Variants in NR6A1 observed in about 807,000 individuals in gnomAD.
The protein encoded by NR6A1 is retinoic acid receptor-related testis-associated receptor.
In NR6A1, 7 loss-of-function variants were observed where a neutral mutation model predicts 59.1. The ratio of observed to expected loss-of-function variants is 0.12; its 90% CI spans 0.07 to 0.22. NR6A1 has a LOEUF of 0.22. Ranked by LOEUF, NR6A1 falls within the 10% of genes least tolerant of loss-of-function variation. The pLI is 1.00. For missense variants in NR6A1, 468 were observed against 611.6 expected, an observed-to-expected ratio of 0.77 and a Z score of 2.48; for synonymous variants, 243 against 236.1, an observed-to-expected ratio of 1.03 and a Z score of -0.27.
chr9:124,557,253 G>A (rs1423991333), intron 2 of NR6A1, among the ~76,000 whole-genome samples: 1 of 152,078 alleles, frequency 6.6e-6, no homozygotes, highest in East Asian at 1.9e-4. Flanking sequence ...TCCTGCCTCA[G>A]CCTCCCGAGT....
chr9:124,631,710 T>C (rs887370327), intron 2 of NR6A1, among the ~76,000 whole-genome samples: 7 of 152,190 alleles, frequency 4.6e-5, no homozygotes, highest in African/African-American at 1.7e-4. Flanking sequence ...TGCTGGTTTG[T>C]TACACAGGTA....
chr9:124,663,289 A>C (rs1837502491), intron 2 of NR6A1, among the ~76,000 whole-genome samples: 1 of 152,132 alleles, frequency 6.6e-6, no homozygotes, highest in African/African-American at 2.4e-5. Flanking sequence ...TTAACCCCCA[A>C]ATCTACCATC....
At chr9:124,583,528 A>C (rs1444668307) in intron 2 of NR6A1, among the ~76,000 whole-genome samples, 2 of 152,190 alleles carry the variant, frequency 1.3e-5, no homozygotes, top group Admixed American at 6.5e-5. Context: ...CATATTCAGA[A>C]GAAGACTGAC....
intron 2 of NR6A1, among the ~76,000 whole-genome samples, chr9:124,653,130 T>G (rs1837152034): frequency 6.6e-6 from 1 of 152,202 alleles, no homozygotes; most frequent in Non-Finnish European, 1.5e-5. Context: ...CTGGTTCAAG[T>G]CTCAGCTCTG....
Position 124,667,773 on chromosome 9 carries a change from T to A in NR6A1, c.142+65535A>T, listed in dbSNP as rs190374725. On this transcript the variant is annotated intron_variant, in intron 2 of 9. Transcript: ENST00000487099. The stretch of plus-strand genomic sequence containing the variant: ...TATTCTTAGGCTGACTGTAGTGATA[T>A]ACCTTGTAAAATAACTTACTTTTTC... Among the ~76,000 whole-genome samples the A allele has an allele frequency of 2.4e-4, 37 of 152,372 alleles. 2 individuals are homozygous for A. In the East Asian group the frequency reaches 2.7e-3, roughly 11 times the overall value.
rs368212612 is a variant in NR6A1 at position 124,551,290 on chromosome 9, C to G, written c.385+3038G>C. Among the ~76,000 whole-genome samples the G allele has an allele frequency of 9.2e-5, 14 of 152,308 alleles. No individual in the cohort carries two copies. The East Asian group carries it at 2.7e-3, about 29-fold the overall frequency. ...ATATGTACACTAACTCACCTACCCA[C>G]ACAAGGTATCTATGTATTTTTAAAT... On this transcript the variant is annotated intron_variant, in intron 3 of 9. Transcript: ENST00000487099.
intron 2 of NR6A1, among the ~76,000 whole-genome samples, chr9:124,602,660 C>T (rs539629765): frequency 1.3e-5 from 2 of 152,184 alleles, no homozygotes; most frequent in African/African-American, 2.4e-5. Context: ...CTAGAGACAA[C>T]GTCAGATGAT....
intron 1 of NR6A1, among the ~76,000 whole-genome samples, chr9:124,743,608 C>A (rs1421065391): frequency 6.6e-6 from 1 of 152,184 alleles, no homozygotes; most frequent in African/African-American, 2.4e-5. Flanking sequence ...CGGCTTCTAG[C>A]TTTGCAATTA....
intron 1 of NR6A1, among the ~76,000 whole-genome samples, chr9:124,737,890 G>A (rs953265607): frequency 4.6e-5 from 7 of 151,918 alleles, no homozygotes; most frequent in Non-Finnish European, 7.4e-5. Context: ...GAGGCTGGGC[G>A]CGGTGGATCA....
intron 2 of NR6A1, among the ~76,000 whole-genome samples, chr9:124,623,350 T>A (rs1836135022): frequency 6.6e-6 from 1 of 151,456 alleles, no homozygotes; most frequent in African/African-American, 2.4e-5. Context: ...ATGAGTCCAA[T>A]TATTATTATT....
chr9:124,629,407 C>T (rs1330054030), intron 2 of NR6A1, among the ~76,000 whole-genome samples: 2 of 114,604 alleles, frequency 1.7e-5, no homozygotes, highest in Non-Finnish European at 3.9e-5. Context: ...TTTCAAAACA[C>T]ATTTCTTCTT....
At chr9:124,559,403 T>A (rs766311264) in intron 2 of NR6A1, among the ~76,000 whole-genome samples, 2 of 152,222 alleles carry the variant, frequency 1.3e-5, no homozygotes, top group African/African-American at 2.4e-5. Context: ...CTGCCCTGAA[T>A]AATGTGTTCA....
chr9:124,628,431 C>A (rs1836315532), intron 2 of NR6A1, among the ~76,000 whole-genome samples: 1 of 152,002 alleles, frequency 6.6e-6, no homozygotes, highest in African/African-American at 2.4e-5. Flanking sequence ...GCAATCTGGG[C>A]CTCGCAGGTT....
intron 2 of NR6A1, chr9:124,693,948 T>C (rs999051303): frequency 3.3e-6 from 1 of 300,954 alleles, no homozygotes; most frequent in Non-Finnish European, 6.8e-6. Context: ...AAATTCCTAG[T>C]ACTTTTCTCC....
intron 2 of NR6A1, among the ~76,000 whole-genome samples, chr9:124,692,193 A>T (rs1588792369): frequency 6.6e-6 from 1 of 152,240 alleles, no homozygotes; most frequent in Non-Finnish European, 1.5e-5. Context: ...TACTACTGCA[A>T]AATCAGGTAT....
chr9:124,635,658 A>G (rs1173752298), intron 2 of NR6A1, among the ~76,000 whole-genome samples: 3 of 152,206 alleles, frequency 2.0e-5, no homozygotes, highest in Admixed American at 6.5e-5. Flanking sequence ...TCACTTAGTA[A>G]TATGCATCTA....
chr9:124,711,953 G>A (rs116206984), intron 2 of NR6A1, among the ~76,000 whole-genome samples: 185 of 152,310 alleles, frequency 1.2e-3, no homozygotes, highest in African/African-American at 4.0e-3. Context: ...AATGACCTAA[G>A]GGTATACAAC....
At chr9:124,632,817 T>C (rs1459176730) in intron 2 of NR6A1, among the ~76,000 whole-genome samples, 2 of 152,222 alleles carry the variant, frequency 1.3e-5, no homozygotes, top group Non-Finnish European at 2.9e-5. Context: ...ATGGGGACTG[T>C]GTTCTAGTCC....
intron 1 of NR6A1, among the ~76,000 whole-genome samples, chr9:124,763,199 C>A (rs1451913712): frequency 6.6e-6 from 1 of 152,150 alleles, no homozygotes; most frequent in African/African-American, 2.4e-5. Flanking sequence ...ACTCAAGGGT[C>A]AAGATTTAAT....
Sources: allele counts gnomAD v4.1 joint callset (sites outside exome capture counted in the v4.1 genomes callset), GRCh38; gene constraint gnomAD v4.1.1; transcripts MANE v1.5; gene names NCBI Gene and HGNC (gene_info 2026-07-23, HGNC 2026-07-21).